The following PRKN variants were observed in gnomAD, a reference collection of about 807,000 sequenced individuals.
PRKN encodes parkin RBR E3 ubiquitin protein ligase.
Under a neutral mutation model 59.5 loss-of-function variants are expected in PRKN, and 56 were observed. The ratio of observed to expected loss-of-function variants is 0.94; its 90% CI spans 0.76 to 1.18. PRKN has a LOEUF of 1.18. Ranked by LOEUF, PRKN falls within the 50% of genes most tolerant of loss-of-function variation. The pLI is 0.00. For missense variants in PRKN, 657 were observed against 596.4 expected (o/e 1.10, Z -1.06); for synonymous variants, 250 against 222.1 (o/e 1.13, Z -1.12).
intron 7 of PRKN, among the ~76,000 whole-genome samples, chr6:161,642,155 T>G (rs1379848055): frequency 6.6e-6 from 1 of 152,232 alleles, no homozygotes; most frequent in East Asian, 1.9e-4. Context: ...TCCAAGCTGA[T>G]TTGAAAATCT....
At chr6:162,178,974 C>A (rs997716699) in intron 4 of PRKN, among the ~76,000 whole-genome samples, 1 of 152,130 alleles carries the variant, frequency 6.6e-6, no homozygotes, top group Non-Finnish European at 1.5e-5. Flanking sequence ...TGGCCTCGAG[C>A]GATCCTCCCA....
At chr6:161,794,348 T>G (rs994869459) in intron 6 of PRKN, among the ~76,000 whole-genome samples, 1 of 152,030 alleles carries the variant, frequency 6.6e-6, no homozygotes, top group African/African-American at 2.4e-5. Context: ...CCCAGAGCAA[T>G]GGATTAGGTC....
At chr6:162,060,689 A>G (rs1458225159) in intron 4 of PRKN, among the ~76,000 whole-genome samples, 3 of 152,226 alleles carry the variant, frequency 2.0e-5, no homozygotes, top group Non-Finnish European at 4.4e-5. Flanking sequence ...ATTTTTCTTG[A>G]GTTATCTAAA....
At chr6:162,606,110 A>G (rs1434161178) in intron 1 of PRKN, among the ~76,000 whole-genome samples, 1 of 152,156 alleles carries the variant, frequency 6.6e-6, no homozygotes, top group Non-Finnish European at 1.5e-5. Flanking sequence ...TTGAAGAAGA[A>G]GCAAAATAGA....
At chr6:161,822,545 G>A (rs1467070445) in intron 6 of PRKN, among the ~76,000 whole-genome samples, 12 of 152,202 alleles carry the variant, frequency 7.9e-5, no homozygotes, top group African/African-American at 2.2e-4. Context: ...GCATGGTGGT[G>A]TGTGCCTGAA....
rs10528135 is a variant in PRKN, at chr6:162,506,251, C to CAA, written c.8-62780_8-62779dup. Among the ~76,000 whole-genome samples the CAA allele has an allele frequency of 7.4e-3, 702 of 95,236 alleles. 10 individuals carry two copies. The highest frequency in any genetic ancestry group is 0.025 in the African/African-American group (610 of 24,150). 62.5% of individuals were successfully genotyped at this position (95,236 alleles called of 152,430 possible). On this transcript the variant is annotated intron_variant, in intron 1 of 11. Transcript: ENST00000366898. ...AACCCTTGGGAAAATAAAGAGGAAG[C>CAA]AAAAAAAAAAAAAAAAAAAAAAGGA...
intron 1 of PRKN, among the ~76,000 whole-genome samples, chr6:162,478,058 G>A (rs563360377): frequency 2.9e-4 from 44 of 152,178 alleles, no homozygotes; most frequent in Non-Finnish European, 5.6e-4. Context: ...GGGCGAACAT[G>A]GTTATCCACG....
At chr6:162,073,275 A>C (rs983977589) in intron 4 of PRKN, among the ~76,000 whole-genome samples, 16 of 152,212 alleles carry the variant, frequency 1.1e-4, no homozygotes, top group African/African-American at 3.9e-4. Context: ...GTGAACTTAA[A>C]ACACAATGCT....
rs932714111 is a variant in PRKN at position 162,048,927 on chromosome 6, C to T, written c.618+5164G>A. Among the ~76,000 whole-genome samples, 13 of 152,186 alleles carry T rather than the reference C, an allele frequency of 8.5e-5. No homozygotes were observed. The East Asian group carries it at 2.5e-3, about 29-fold the overall frequency. On this transcript the variant is annotated intron_variant, in intron 5 of 11. Transcript: ENST00000366898. Reference sequence around the variant, plus strand: ...AGTTAATTTCACTAACGGAGAAAATCCTAATTGATTTCATCCCCTTTTTAA... The same window carrying T: ...AGTTAATTTCACTAACGGAGAAAATTCTAATTGATTTCATCCCCTTTTTAA...
chr6:162,726,497 G>A (rs1779199168), intron 1 of PRKN, among the ~76,000 whole-genome samples: 1 of 152,186 alleles, frequency 6.6e-6, no homozygotes, highest in Admixed American at 6.5e-5. Context: ...GCTAGAAAGG[G>A]AAGAAAAGTT....
intron 2 of PRKN, among the ~76,000 whole-genome samples, chr6:162,346,054 C>T (rs1047714051): frequency 1.3e-5 from 2 of 152,096 alleles, no homozygotes; most frequent in Non-Finnish European, 2.9e-5. Flanking sequence ...AAGGTCCTGA[C>T]CAGATACCAT....
intron 2 of PRKN, among the ~76,000 whole-genome samples, chr6:162,312,935 T>G (rs1782583219): frequency 6.6e-6 from 1 of 152,116 alleles, no homozygotes; most frequent in African/African-American, 2.4e-5. Flanking sequence ...GTACACTAGA[T>G]GCCAGAAGAA....
chr6:161,529,328 G>A lies in PRKN; in HGVS notation c.1083+19526C>T, dbSNP rs1191648836. 6.6e-6 allele frequency among the ~76,000 whole-genome samples: 1 copy of A among 152,110 alleles called. No homozygotes were observed. Among genetic ancestry groups the A allele is most frequent in the African/African-American group, 2.4e-5 (1 of 41,358 alleles). On this transcript the variant is annotated intron_variant, in intron 9 of 11. Transcript: ENST00000366898. The surrounding 1 kb of genome is among the most constrained non-coding windows in gnomAD (Gnocchi z 4.4). Reference sequence around the variant, plus strand: ...CTGTGTCCCTCCAGCTGCCTCACCTGGGGCCGCAGTAAGCACCAAGTTCAC... The same window carrying A: ...CTGTGTCCCTCCAGCTGCCTCACCTAGGGCCGCAGTAAGCACCAAGTTCAC...
At chr6:162,569,788 G>C in intron 1 of PRKN, 1 of 485,792 alleles carries the variant, frequency 2.1e-6, no homozygotes. Context: ...GCCTGGGAGG[G>C]AGGCTGCTGT....
At chr6:162,127,483 T>C (rs1019480520) in intron 4 of PRKN, among the ~76,000 whole-genome samples, 20 of 152,256 alleles carry the variant, frequency 1.3e-4, no homozygotes, top group Non-Finnish European at 2.5e-4. Context: ...TTCTTTGCTA[T>C]GTTTCTCTAG....
At chr6:162,403,260 C>A (rs1787888267) in intron 2 of PRKN, among the ~76,000 whole-genome samples, 3 of 152,084 alleles carry the variant, frequency 2.0e-5, no homozygotes, top group African/African-American at 7.2e-5. Flanking sequence ...GCCTCTCCTG[C>A]CAGCGAATGC....
rs1778708007 is a variant in PRKN at position 161,518,708 on chromosome 6, C to T, written c.1083+30146G>A. On this transcript the variant is annotated intron_variant, in intron 9 of 11. Transcript: ENST00000366898. This position sits in a 1 kb window ranked among gnomAD's most constrained non-coding sequence, Gnocchi z 5.0. ...CAGGGGCCCATTGCAAGTTTCCACA[C>T]ATCCTCCTGCCTGCTGCAGAGGGCC... is the stretch of plus-strand genomic sequence containing the variant. 6.6e-6 allele frequency among the ~76,000 whole-genome samples: 1 copy of T among 152,240 alleles called. No individual in the cohort carries two copies. The highest frequency in any genetic ancestry group is 1.5e-5 in the Non-Finnish European group (1 of 68,042).
intron 1 of PRKN, among the ~76,000 whole-genome samples, chr6:162,496,375 G>A (rs540989768): frequency 6.6e-6 from 1 of 152,140 alleles, no homozygotes; most frequent in Non-Finnish European, 1.5e-5. Context: ...ATAGGAGCAG[G>A]TATTTTGTGA....
intron 4 of PRKN, among the ~76,000 whole-genome samples, chr6:162,156,167 T>C (rs945571707): frequency 1.3e-5 from 2 of 152,190 alleles, no homozygotes; most frequent in Admixed American, 6.5e-5. Flanking sequence ...CACAGCAATA[T>C]TGGATACCAA....
Sources: gnomAD v4.1 joint callset for allele counts (sites outside exome capture counted in the v4.1 genomes callset) on GRCh38, gnomAD v4.1.1 for gene constraint, Gnocchi (gnomAD v3.1) non-coding constraint, MANE v1.5 for transcripts, NCBI Gene and HGNC (gene_info 2026-07-23, HGNC 2026-07-21) for gene names.